JAKMIP3: variants seen among roughly 807,000 people sequenced by gnomAD.
JAKMIP3 encodes the protein Janus kinase and microtubule interacting protein 3, also known as janus kinase and microtubule-interacting protein 3.
Under a neutral mutation model 118.5 loss-of-function variants are expected in JAKMIP3, and 58 were observed. That is an observed-to-expected ratio of 0.49 (90% CI 0.40 to 0.61). The LOEUF (loss-of-function observed/expected upper bound fraction) is 0.61. JAKMIP3 is among the 20% of genes least tolerant of loss of function. The pLI, the probability that JAKMIP3 is intolerant of heterozygous loss-of-function variation, is 0.00. For missense variants in JAKMIP3, 950 were observed against 1,109.0 expected (o/e 0.86, Z 2.04); for synonymous variants, 486 against 451.2 (o/e 1.08, Z -0.98).
At chr10:132,066,315 G>A (rs1320327155) in intron 1 of JAKMIP3, among the ~76,000 whole-genome samples, 1 of 152,214 alleles carries the variant, frequency 6.6e-6, no homozygotes, top group Non-Finnish European at 1.5e-5. Context: ...CCAGTAGTAG[G>A]TTTCTCCTTT....
intron 1 of JAKMIP3, among the ~76,000 whole-genome samples, chr10:132,043,237 C>T (rs1326510626): frequency 1.3e-5 from 2 of 152,276 alleles, no homozygotes; most frequent in Non-Finnish European, 2.9e-5. Flanking sequence ...TTGAGTCTCA[C>T]TCTGTCACCC....
At chr10:132,181,515 C>T (rs1446165048) in intron 23 of JAKMIP3, 1 of 152,152 alleles carries the variant, frequency 6.6e-6, no homozygotes, top group Non-Finnish European at 1.5e-5. Flanking sequence ...TCCTCCTGTA[C>T]CTTCTAGAGA....
At chr10:132,098,464 C>T (rs2044327691) in intron 1 of JAKMIP3, among the ~76,000 whole-genome samples, 1 of 152,192 alleles carries the variant, frequency 6.6e-6, no homozygotes, top group Non-Finnish European at 1.5e-5. Flanking sequence ...GTGGATGATC[C>T]CAAGCTGCTT....
chr10:132,180,696 CGTGTGTGT>C (rs766228449), intron 23 of JAKMIP3, among the ~76,000 whole-genome samples: 3 of 10,944 alleles, frequency 2.7e-4, no homozygotes, highest in African/African-American at 9.6e-4. Flanking sequence ...TGTGTGCGTG[CGTGTGTGT>C]GTGCGCGTGT....
At chr10:132,161,312 G>GT (rs1210938047) in intron 19 of JAKMIP3, among the ~76,000 whole-genome samples, 1 of 5,746 alleles carries the variant, frequency 1.7e-4, no homozygotes, top group Non-Finnish European at 3.8e-4. Context: ...ATGCTGGGGT[G>GT]GTCTCTCCCT....
intron 10 of JAKMIP3, 140 bp downstream of exon 10, chr10:132,140,719 G>T: frequency 7.0e-7 from 1 of 1,423,734 alleles, no homozygotes; most frequent in Non-Finnish European, 9.4e-7. Context: ...GCTTTTCACG[G>T]GGAAGCCCTT....
At chr10:132,074,311 CA>C (rs2040440566) in intron 1 of JAKMIP3, among the ~76,000 whole-genome samples, 1 of 152,238 alleles carries the variant, frequency 6.6e-6, no homozygotes, top group Non-Finnish European at 1.5e-5. Flanking sequence ...CTTGGCCTCC[CA>C]AAGTGCTGGG....
At chr10:132,172,988 T>C (rs377247534) in intron 23 of JAKMIP3, among the ~76,000 whole-genome samples, 13 of 71,820 alleles carry the variant, frequency 1.8e-4, no homozygotes, top group Middle Eastern at 6.3e-3. Flanking sequence ...TCCCTCTCTC[T>C]CTCTCTCCTT....
At chr10:132,167,429 C>T (rs892961425) in intron 22 of JAKMIP3, among the ~76,000 whole-genome samples, 3 of 152,248 alleles carry the variant, frequency 2.0e-5, no homozygotes, top group African/African-American at 7.2e-5. Context: ...TTCTGTGATT[C>T]GTCCTTGTTC....
rs61864418 is a variant in JAKMIP3 at position 132,139,212 on chromosome 10, A to G, written c.1344+1034A>G. 1.4e-3 allele frequency among the ~76,000 whole-genome samples: 109 copies of G among 78,952 alleles called. 7 individuals are homozygous for G. The highest frequency in any genetic ancestry group is 5.5e-3 in the African/African-American group (97 of 17,648). 51.8% of individuals were successfully genotyped at this position (78,952 alleles called of 152,430 possible). On this transcript the variant is annotated intron_variant, in intron 9 of 23. Transcript: ENST00000684848. ...TGTGTGTGTATGAGTGTGTGTGTGT[A>G]TGTGTGTACATGTGAGTGTATATGC...
intron 1 of JAKMIP3, among the ~76,000 whole-genome samples, chr10:132,042,658 T>G (rs1344648335): frequency 6.6e-6 from 1 of 152,178 alleles, no homozygotes; most frequent in Non-Finnish European, 1.5e-5. Context: ...TGTCCTCTGA[T>G]AGCCAGGCCA....
intron 1 of JAKMIP3, among the ~76,000 whole-genome samples, chr10:132,096,629 C>T (rs2043900303): frequency 6.6e-6 from 1 of 152,050 alleles, no homozygotes; most frequent in Admixed American, 6.5e-5. Flanking sequence ...TGGACCTGGC[C>T]GTGATTTTTT....
chr10:132,040,659 A>AT (rs34862839), intron 1 of JAKMIP3, among the ~76,000 whole-genome samples: 37,244 of 134,508 alleles, frequency 0.28, 5,291 homozygotes, highest in Non-Finnish European at 0.36. Context: ...TTTCATTTTC[A>AT]TTTTTTTTTT....
chr10:132,165,596 G>T (rs79666738), intron 21 of JAKMIP3, among the ~76,000 whole-genome samples: 4,436 of 152,302 alleles, frequency 0.029, 153 homozygotes, highest in South Asian at 0.13. Context: ...GCTGGCATTG[G>T]GATGCCCCTG....
At chr10:132,154,435 G>T (rs1158016508) in intron 19 of JAKMIP3, among the ~76,000 whole-genome samples, 3 of 152,184 alleles carry the variant, frequency 2.0e-5, no homozygotes, top group African/African-American at 7.2e-5. Context: ...GGTGTGGCTG[G>T]GAGGAGCATA....
In JAKMIP3 at chr10:132,112,376, T is replaced by A. The variant is rs1471738780; in HGVS notation, c.136-4701T>A. Among the ~76,000 whole-genome samples, 3 of 152,124 alleles carry A rather than the reference T, an allele frequency of 2.0e-5. No homozygotes were observed. The highest frequency in any genetic ancestry group is 4.4e-5 in the Non-Finnish European group (3 of 68,006). On this transcript the variant is annotated intron_variant, in intron 2 of 23. Coordinates refer to ENST00000684848, the MANE Select transcript of JAKMIP3 (RefSeq NM_001323087.2). This position sits in a 1 kb window ranked among gnomAD's most constrained non-coding sequence, Gnocchi z 4.3. ...TGCCCTGGGCACTCGGCTCGTCAGCTGGGAAGCCCAGAGAGGGCAGCGAGG... is the reference window on the plus strand; with the variant it reads ...TGCCCTGGGCACTCGGCTCGTCAGCAGGGAAGCCCAGAGAGGGCAGCGAGG...
intron 1 of JAKMIP3, among the ~76,000 whole-genome samples, chr10:132,045,522 CAAG>C (rs1044145856): frequency 6.6e-6 from 1 of 152,212 alleles, no homozygotes; most frequent in African/African-American, 2.4e-5. Flanking sequence ...TTCCAGCCCT[CAAG>C]GAGAGCCCGC....
chr10:132,180,523 C>CTGTGTGTGCG (rs1337756761), intron 23 of JAKMIP3, among the ~76,000 whole-genome samples: 1 of 74,454 alleles, frequency 1.3e-5, no homozygotes, highest in East Asian at 3.6e-4. Flanking sequence ...GGAAGCAGAA[C>CTGTGTGTGCG]TGTGTGTGTG....
Position 132,108,020 on chromosome 10 carries a change from C to T in JAKMIP3, c.135+3077C>T, listed in dbSNP as rs2046186123. Among the ~76,000 whole-genome samples, 3 of 152,222 alleles carry T rather than the reference C, an allele frequency of 2.0e-5. 1 individual carries two copies. The South Asian group carries it at 6.2e-4, about 32-fold the overall frequency. ...AGGAGTTGGGTCCGGGCAGAGTCCTCACTGCTGGCTTACACTGGTGGGAAG... is the reference window on the plus strand; with the variant it reads ...AGGAGTTGGGTCCGGGCAGAGTCCTTACTGCTGGCTTACACTGGTGGGAAG... On this transcript the variant is annotated intron_variant, in intron 2 of 23. Transcript: ENST00000684848.
Sources: gnomAD v4.1 joint callset for allele counts (sites outside exome capture counted in the v4.1 genomes callset) on GRCh38, gnomAD v4.1.1 for gene constraint, Gnocchi (gnomAD v3.1) non-coding constraint, MANE v1.5 for transcripts, NCBI Gene and HGNC (gene_info 2026-07-23, HGNC 2026-07-21) for gene names.